Variants in GLYATL2 observed in about 807,000 individuals in gnomAD.
GLYATL2 encodes glycine N-acyltransferase-like protein 2.
In GLYATL2, 25 loss-of-function variants were observed where a neutral mutation model predicts 21.4. That is an observed-to-expected ratio of 1.17 (90% CI 0.85 to 1.63). GLYATL2 has a LOEUF of 1.63. GLYATL2 is among the 40% of genes most tolerant of loss of function. The pLI is 0.00. For synonymous variants in GLYATL2, 114 were observed against 118.2 expected (o/e 0.96, Z 0.23); for missense variants, 361 against 343.3 (o/e 1.05, Z -0.41).
upstream of GLYATL2, among the ~76,000 whole-genome samples, chr11:58,907,025 A>G (rs1347224753): frequency 6.6e-6 from 1 of 152,228 alleles, no homozygotes; most frequent in East Asian, 1.9e-4. Flanking sequence ...GATCTGAGCC[A>G]AACTCCTTAA....
chr11:58,899,334 T>A (rs1254956463), intron 1 of GLYATL2, among the ~76,000 whole-genome samples: 5 of 152,062 alleles, frequency 3.3e-5, no homozygotes, highest in Admixed American at 2.0e-4. Flanking sequence ...TCAGTCAGTG[T>A]GGGGTGTTAA....
At chr11:58,845,996 C>G (rs115163080), upstream of GLYATL2, among the ~76,000 whole-genome samples, 1,043 of 144,306 alleles carry the variant, frequency 7.2e-3, 11 homozygotes, top group African/African-American at 0.026. Context: ...AAGTGGTTCA[C>G]ATAATCTATC....
At chr11:58,884,882 T>G (rs983675875) in intron 1 of GLYATL2, 7 of 163,434 alleles carry the variant, frequency 4.3e-5, no homozygotes, top group African/African-American at 1.7e-4. Context: ...CTTAACATTT[T>G]TCTTTCACTT....
intron 1 of GLYATL2, among the ~76,000 whole-genome samples, chr11:58,874,995 T>C (rs1199881040): frequency 6.6e-6 from 1 of 152,248 alleles, no homozygotes; most frequent in Admixed American, 6.5e-5. Flanking sequence ...CATATATATT[T>C]AGGATAGTTA....
Position 58,834,726 on chromosome 11 carries a change from G to T in GLYATL2, c.588C>A (p.Leu196=). 6.2e-7 allele frequency: 1 copy of T among 1,613,824 alleles called. No homozygotes were observed. Among genetic ancestry groups the T allele is most frequent in the East Asian group, 2.2e-5 (1 of 44,882 alleles). Residue 196 remains leucine (L), a synonymous_variant, in exon 6 of 6, where the codon CTC becomes CTA. Transcript: ENST00000287275. ...GCACACCAAATCCTAGAAAATCCTG[G>T]AGGCAGCGTTCAATATATTTCAAGC... The part of the protein sequence containing the change: ...ERSLKYIERC[L]QDFLGFGVLG...
At chr11:58,900,846 T>C (rs911392063) in intron 1 of GLYATL2, among the ~76,000 whole-genome samples, 11 of 150,762 alleles carry the variant, frequency 7.3e-5, no homozygotes, top group African/African-American at 2.5e-4. Flanking sequence ...TGGCTTTCAT[T>C]GATGTCAACC....
At chr11:58,848,709 A>C (rs1206111253), upstream of GLYATL2, among the ~76,000 whole-genome samples, 6 of 152,222 alleles carry the variant, frequency 3.9e-5, no homozygotes, top group Admixed American at 2.0e-4. Context: ...CAGGTTATAG[A>C]AAATAGCCTT....
In GLYATL2 at chr11:58,869,709, T is replaced by C. The variant is rs186174025; in HGVS notation, n.61-31341A>G. On this transcript the variant is annotated intron_variant and non_coding_transcript_variant, in intron 1 of 4. Coordinates refer to the GLYATL2 transcript ENST00000533636. ...AGAGATTAAGTAAATAAGTACAAAG[T>C]ATTTTTCATGTTCATGTTACTTAAG... Among the ~76,000 whole-genome samples, 3 of 152,338 alleles carry C rather than the reference T, an allele frequency of 2.0e-5. No individual in the cohort carries two copies. In the East Asian group the frequency reaches 5.8e-4, roughly 29 times the overall value.
chr11:58,868,016 T>C (rs2134600167), intron 1 of GLYATL2, among the ~76,000 whole-genome samples: 1 of 148,726 alleles, frequency 6.7e-6, no homozygotes, highest in African/African-American at 2.4e-5. Flanking sequence ...AGGAGTCTCC[T>C]CGGGAACTGA....
At position 58,874,106 on chromosome 11, in the gene GLYATL2, G is replaced by T. The variant is rs1449416237; in HGVS notation, n.60+30050C>A. On this transcript the variant is annotated intron_variant and non_coding_transcript_variant, in intron 1 of 4. Transcript: ENST00000533636. ...TTTATAGTATTCTTGATGGTAGTTT[G>T]TATTTCTGTGGGATCGGTGGTGATA... Among the ~76,000 whole-genome samples the T allele has an allele frequency of 2.0e-5, 3 of 152,264 alleles. No homozygotes were observed. The East Asian group carries it at 5.8e-4, about 29-fold the overall frequency.
upstream of GLYATL2, chr11:58,905,525 G>C (rs1378218504): frequency 2.2e-6 from 1 of 456,256 alleles, no homozygotes; most frequent in African/African-American, 2.0e-5. Flanking sequence ...GCAATCAAAA[G>C]GCGGAAAAAG....
chr11:58,855,669 A>G (rs1853815805), intron 1 of GLYATL2, among the ~76,000 whole-genome samples: 1 of 152,240 alleles, frequency 6.6e-6, no homozygotes, highest in African/African-American at 2.4e-5. Flanking sequence ...TCCAGCTCTG[A>G]AAGTCCTTGA....
chr11:58,904,048 C>T (rs1854794787), intron 1 of GLYATL2: 1 of 152,194 alleles, frequency 6.6e-6, no homozygotes, highest in South Asian at 2.1e-4. Context: ...TCATATTGAG[C>T]TCTCTTTTTC....
chr11:58,860,816 G>A (rs533586708), intron 1 of GLYATL2, among the ~76,000 whole-genome samples: 4 of 151,954 alleles, frequency 2.6e-5, no homozygotes, highest in Non-Finnish European at 5.9e-5. Flanking sequence ...GGAAATCATG[G>A]TGAGCTTTAT....
At chr11:58,837,465 A>C (rs1302526615) in intron 3 of GLYATL2, 68 bp from the exon 4 acceptor site, 1 of 1,381,532 alleles carries the variant, frequency 7.2e-7, no homozygotes, top group Non-Finnish European at 1.0e-6. Context: ...GCATAGGTCT[A>C]GAGTGCTAGA....
intron 1 of GLYATL2, among the ~76,000 whole-genome samples, chr11:58,900,039 C>A (rs1054243066): frequency 6.6e-6 from 1 of 152,048 alleles, no homozygotes; most frequent in East Asian, 1.9e-4. Flanking sequence ...CGAAACCATG[C>A]GGAGCACCGG....
At chr11:58,885,940 C>CAT (rs1854431524) in intron 1 of GLYATL2, among the ~76,000 whole-genome samples, 2 of 152,314 alleles carry the variant, frequency 1.3e-5, no homozygotes, top group Non-Finnish European at 2.9e-5. Context: ...CAGGGCCAAG[C>CAT]ATGGTGTCTT....
chr11:58,867,376 T>G lies in GLYATL2; in HGVS notation n.61-29008A>C, dbSNP rs762512014. Among the ~76,000 whole-genome samples the G allele has an allele frequency of 2.7e-5, 4 of 148,756 alleles. 1 individual carries two copies. The highest frequency in any genetic ancestry group is 1.4e-4 in the Admixed American group (2 of 14,490). On this transcript the variant is annotated intron_variant and non_coding_transcript_variant, in intron 1 of 4. Transcript: ENST00000533636. ...TGTAATTTATGGTGAATATGTTCTC[T>G]CCATTCTGTCTGAGTTTCTGTACCA...
chr11:58,888,654 C>T (rs1257335206), intron 1 of GLYATL2, among the ~76,000 whole-genome samples: 1 of 151,616 alleles, frequency 6.6e-6, no homozygotes, highest in Non-Finnish European at 1.5e-5. Flanking sequence ...CTAGTCTTTT[C>T]TCATGCTATT....
Sources: allele counts gnomAD v4.1 joint callset (sites outside exome capture counted in the v4.1 genomes callset), GRCh38; gene constraint gnomAD v4.1.1; transcripts MANE v1.5; gene names NCBI Gene and HGNC (gene_info 2026-07-23, HGNC 2026-07-21).